Variants in TTC17 observed in about 807,000 individuals in gnomAD.
TTC17 encodes the protein tetratricopeptide repeat protein 17.
A neutral mutation model predicts 143.8 loss-of-function variants in TTC17; 58 were observed. That is an observed-to-expected ratio of 0.40 (90% CI 0.33 to 0.50). The LOEUF is 0.50. Among genes scored for constraint, TTC17 ranks in the 20% least tolerant of loss-of-function variants. The pLI is 0.49. For missense variants in TTC17, 1,273 were observed against 1,392.5 expected (o/e 0.91, Z 1.37); for synonymous variants, 501 against 497.8 (o/e 1.01, Z -0.09).
chr11:43,365,389 C>T (rs1435558818), intron 1 of TTC17, among the ~76,000 whole-genome samples: 1 of 152,200 alleles, frequency 6.6e-6, no homozygotes, highest in Admixed American at 6.5e-5. Context: ...CCGCCTCAGC[C>T]TCCCATGTAG....
chr11:43,389,669 A>G lies in TTC17; in HGVS notation c.267A>G (p.Gln89=). ...LKELEKQLVA[Q]KIHIEENEDR... ...CTCAACAGAAACAATTAGTTGCTCA[A>G]AAAATTCACATAGAAGAGAATGAGG... Residue 89 remains glutamine, a synonymous_variant, in exon 3 of 24, where the codon CAA becomes CAG. Transcript: ENST00000039989. 6.2e-7 allele frequency: 1 copy of G among 1,607,104 alleles called. No homozygotes were observed. The highest frequency in any genetic ancestry group is 8.5e-7 in the Non-Finnish European group (1 of 1,178,208).
At chr11:43,417,197 A>G (rs1167449809) in intron 16 of TTC17, among the ~76,000 whole-genome samples, 1 of 152,174 alleles carries the variant, frequency 6.6e-6, no homozygotes, top group Admixed American at 6.5e-5. Context: ...AAAGAAGCCA[A>G]ACACCTTTAT....
At chr11:43,395,517 A>G (rs1346486520) in intron 5 of TTC17, 3 of 152,248 alleles carry the variant, frequency 2.0e-5, no homozygotes, top group South Asian at 2.1e-4. Context: ...TCAAAAGGCC[A>G]TCAAAAAGAA....
chr11:43,486,983 A>G (rs1158967045), intron 21 of TTC17, among the ~76,000 whole-genome samples: 2 of 152,140 alleles, frequency 1.3e-5, no homozygotes, highest in South Asian at 2.1e-4. Flanking sequence ...CAGGAGTTCA[A>G]GGCTACAGTG....
intron 21 of TTC17, among the ~76,000 whole-genome samples, chr11:43,465,973 CAATT>C (rs755981859): frequency 2.3e-4 from 35 of 152,216 alleles, no homozygotes; most frequent in Non-Finnish European, 3.8e-4. Context: ...TCAGAGGACA[CAATT>C]AACAGAGTGA....
chr11:43,439,682 G>A (rs1947372266), intron 16 of TTC17, among the ~76,000 whole-genome samples: 6 of 152,156 alleles, frequency 3.9e-5, no homozygotes, highest in Middle Eastern at 3.4e-3. Context: ...TGTTGGCCAG[G>A]CTGGTCTCGA....
chr11:43,407,722 GA>G (rs1157809232), intron 15 of TTC17, 145 bp downstream of exon 15: 9 of 739,188 alleles, frequency 1.2e-5, no homozygotes, highest in Admixed American at 3.4e-5. Flanking sequence ...AAGAGAGTGT[GA>G]AAAAGCTTTT....
intron 1 of TTC17, among the ~76,000 whole-genome samples, chr11:43,366,192 T>G (rs1856335786): frequency 6.6e-6 from 1 of 152,166 alleles, no homozygotes; most frequent in Non-Finnish European, 1.5e-5. Flanking sequence ...TTTGTTTTAC[T>G]AATTATATTT....
At chr11:43,366,017 T>C (rs1856324595) in intron 1 of TTC17, among the ~76,000 whole-genome samples, 2 of 151,658 alleles carry the variant, frequency 1.3e-5, no homozygotes, top group Non-Finnish European at 2.9e-5. Context: ...AGTCTTGCTC[T>C]GTCGCCAGGC....
chr11:43,384,158 GAA>G, intron 2 of TTC17, among the ~76,000 whole-genome samples: 1 of 145,132 alleles, frequency 6.9e-6, no homozygotes, highest in Non-Finnish European at 1.5e-5. Context: ...AAAAAAAAAA[GAA>G]ATCTATAGTT....
chr11:43,397,521 T>C, intron 7 of TTC17, 30 bp downstream of exon 7: 3 of 1,537,760 alleles, frequency 2.0e-6, no homozygotes, highest in Non-Finnish European at 2.6e-6. Flanking sequence ...TCATGAGTCA[T>C]GCTAGTTGCC....
At chr11:43,387,358 C>T (rs141360109) in intron 2 of TTC17, among the ~76,000 whole-genome samples, 5 of 152,282 alleles carry the variant, frequency 3.3e-5, no homozygotes, top group Non-Finnish European at 7.4e-5. Context: ...AAAGTTTCTA[C>T]TGAGAAGTGA....
intron 21 of TTC17, chr11:43,466,540 T>C (rs1368035513): frequency 9.0e-6 from 2 of 221,728 alleles, no homozygotes; most frequent in Non-Finnish European, 9.7e-6. Context: ...GGTTCCTGCT[T>C]TCACAGAATT....
intron 21 of TTC17, among the ~76,000 whole-genome samples, chr11:43,464,368 A>T (rs1209199445): frequency 6.6e-6 from 1 of 152,196 alleles, no homozygotes; most frequent in Non-Finnish European, 1.5e-5. Flanking sequence ...ATGTAACAAA[A>T]TGACTTCATA....
intron 10 of TTC17, among the ~76,000 whole-genome samples, chr11:43,402,256 A>T (rs1387631505): frequency 6.6e-6 from 1 of 152,236 alleles, no homozygotes; most frequent in East Asian, 1.9e-4. Flanking sequence ...TCCCTTTTAG[A>T]GTAAGACCTA....
At position 43,440,801 on chromosome 11, in the gene TTC17, A is replaced by G. The variant is rs116825911; in HGVS notation, c.2252-2524A>G. ...AATCCTCTTCGTGACTTTCCCACAC[A>G]TTTGTAACATCACCTACCTTTTCCT... On this transcript the variant is annotated intron_variant, in intron 16 of 23. Coordinates refer to ENST00000039989, the MANE Select transcript of TTC17 (RefSeq NM_018259.6). Among the ~76,000 whole-genome samples the G allele has an allele frequency of 5.6e-3, 860 of 152,232 alleles. 10 individuals are homozygous for G. The highest frequency in any genetic ancestry group is 0.02 in the African/African-American group (822 of 41,546).
intron 21 of TTC17, among the ~76,000 whole-genome samples, chr11:43,488,719 G>A (rs12294010): frequency 1.6e-3 from 236 of 152,204 alleles, no homozygotes; most frequent in African/African-American, 5.5e-3. Flanking sequence ...TTAAGAGACA[G>A]GGTCTCACTC....
intron 17 of TTC17, among the ~76,000 whole-genome samples, 172 bp from the exon 18 acceptor site, chr11:43,443,884 G>A (rs1168670061): frequency 6.6e-6 from 1 of 152,144 alleles, no homozygotes; most frequent in Non-Finnish European, 1.5e-5. Flanking sequence ...TTCGAGACTA[G>A]GTTATTTTGT....
At chr11:43,396,280 G>A (rs182920209) in intron 5 of TTC17, 1 of 147,102 alleles carries the variant, frequency 6.8e-6, no homozygotes, top group Non-Finnish European at 1.5e-5. Flanking sequence ...CTGTTGGTTT[G>A]TGCCTTCACT....
Sources: allele counts gnomAD v4.1 joint callset (sites outside exome capture counted in the v4.1 genomes callset), GRCh38; gene constraint gnomAD v4.1.1; transcripts MANE v1.5; gene names NCBI Gene and HGNC (gene_info 2026-07-23, HGNC 2026-07-21).